The following PSORS1C1 variants were observed in gnomAD, a reference collection of about 807,000 sequenced individuals.
The protein encoded by PSORS1C1 is psoriasis susceptibility 1 candidate gene 1 protein.
A neutral mutation model predicts 9.4 loss-of-function variants in PSORS1C1; 7 were observed. The observed-to-expected ratio is 0.75, with a 90% CI of 0.42 to 1.40. PSORS1C1 has a LOEUF of 1.40. Among genes scored for constraint, PSORS1C1 ranks in the 40% most tolerant of loss-of-function variants. The pLI, the probability that PSORS1C1 is intolerant of heterozygous loss-of-function variation, is 0.01. For synonymous variants in PSORS1C1, 63 were observed against 69.4 expected, an observed-to-expected ratio of 0.91 and a Z score of 0.46; for missense variants, 146 against 178.1, an observed-to-expected ratio of 0.82 and a Z score of 1.02.
At chr6:31,124,967 C>CA (rs9281215) in intron 1 of PSORS1C1, among the ~76,000 whole-genome samples, 132,884 of 149,070 alleles carry the variant, frequency 0.89, 59,316 homozygotes, top group East Asian at 0.98. Flanking sequence ...GACTCCGTCT[C>CA]AAAAAAAAAA....
At position 31,138,446 on chromosome 6, in the gene PSORS1C1, T is replaced by C; in HGVS notation, c.30T>C (p.Ser10=). The C allele has an allele frequency of 6.2e-7, 1 of 1,609,156 alleles. No individual in the cohort carries two copies. Among genetic ancestry groups the C allele is most frequent in the Non-Finnish European group, 8.5e-7 (1 of 1,178,642 alleles). Residue 10 remains serine (S), a synonymous_variant, in exon 4 of 6, where the codon TCT becomes TCC. Transcript: ENST00000259881. ...CACAAACAGACCAAAAAAGTCACTC[T>C]CAAAGAGCTCTCGGTAGGTTTGTAA... is the stretch of plus-strand genomic sequence containing the variant. The part of the protein sequence containing the change: MTCTDQKSH[S]QRALGTQTPA...
chr6:31,116,237 T>C, intron 1 of PSORS1C1: 1 of 1,613,912 alleles, frequency 6.2e-7, no homozygotes, highest in South Asian at 1.1e-5. Flanking sequence ...GAGACAGACA[T>C]GCAAGGGTGA....
chr6:31,117,861 G>A, intron 1 of PSORS1C1: 1 of 358,432 alleles, frequency 2.8e-6, no homozygotes, highest in Non-Finnish European at 5.2e-6. Flanking sequence ...CACTTTGGGA[G>A]GCCGAGGTGG....
intron 3 of PSORS1C1, among the ~76,000 whole-genome samples, chr6:31,137,195 G>A (rs1773182607): frequency 1.3e-5 from 2 of 151,438 alleles, no homozygotes; most frequent in Admixed American, 1.3e-4. Flanking sequence ...TGTGGCTCAC[G>A]CGTGTAATCC....
chr6:31,120,101 A>G (rs1399916181), intron 1 of PSORS1C1, among the ~76,000 whole-genome samples: 1 of 152,124 alleles, frequency 6.6e-6, no homozygotes, highest in African/African-American at 2.4e-5. Context: ...TATCACATAC[A>G]TTATTTAATT....
intron 1 of PSORS1C1, chr6:31,117,166 CTTCCCGAGTGAGAGCCGCTGT>C (rs761631638): frequency 6.5e-5 from 62 of 951,336 alleles, no homozygotes; most frequent in South Asian, 3.7e-4. Context: ...AGAGCTGCTG[CTTCCCGAGTGAGAGCCGCTGT>C]TTCCCGAGTG....
chr6:31,123,955 C>T (rs2150964745), intron 1 of PSORS1C1, among the ~76,000 whole-genome samples: 1 of 152,246 alleles, frequency 6.6e-6, no homozygotes, highest in South Asian at 2.1e-4. Context: ...GAGAGAAGCA[C>T]AGAGCAGGCA....
Position 31,139,082 on chromosome 6 carries a change from CCA to C in PSORS1C1, c.167+304_167+305del. On this transcript the variant is annotated intron_variant, in intron 5 of 5. Coordinates refer to ENST00000259881, the MANE Select transcript of PSORS1C1 (RefSeq NM_014068.3). The surrounding 1 kb of genome is among the most constrained non-coding windows in gnomAD (Gnocchi z 5.2). ...GGCTGAGTCTGGGTGCCTGGGAACC[CCA>C]AGAGGCTTTATAGGGGAGGAGTGGA... The C allele has an allele frequency of 1.3e-6, 2 of 1,511,758 alleles. No homozygotes were observed. Among genetic ancestry groups the C allele is most frequent in the Non-Finnish European group, 1.8e-6 (2 of 1,088,038 alleles). The allele number at this position is 1,511,758 out of a possible 1,614,324, so 93.6% of individuals were successfully genotyped here.
rs143941235 is a variant in PSORS1C1 at position 31,122,973 on chromosome 6, C to T, written c.-228-2703C>T. On this transcript the variant is annotated intron_variant, in intron 1 of 5. Coordinates refer to ENST00000259881, the MANE Select transcript of PSORS1C1 (RefSeq NM_014068.3). ...CCCAGGGTGTGAGGGGAGAAGGCAG[C>T]GGAACAGTGGAATCTGTGGCTTCTT... Among the ~76,000 whole-genome samples, 96 of 152,220 alleles carry T rather than the reference C, an allele frequency of 6.3e-4. No homozygotes were observed. In the East Asian group the frequency reaches 8.1e-3, roughly 13 times the overall value.
At chr6:31,120,472 T>C (rs1342261784) in intron 1 of PSORS1C1, 7 of 1,419,604 alleles carry the variant, frequency 4.9e-6, no homozygotes, top group African/African-American at 2.9e-5. Context: ...CCCGGGTCCT[T>C]TATGCCAGAG....
chr6:31,139,272 G>A lies in PSORS1C1; in HGVS notation c.168-369G>A. The A allele has an allele frequency of 1.7e-6, 1 of 581,678 alleles. No individual in the cohort carries two copies. Among genetic ancestry groups the A allele is most frequent in the Non-Finnish European group, 3.1e-6 (1 of 327,138 alleles). The allele number at this position is 581,678 out of a possible 1,614,324, so 36.0% of individuals were successfully genotyped here. On this transcript the variant is annotated intron_variant, in intron 5 of 5. Transcript: ENST00000259881. This position sits in a 1 kb window ranked among gnomAD's most constrained non-coding sequence, Gnocchi z 5.2. The stretch of plus-strand genomic sequence containing the variant: ...CTCTCCCTATCATGACCCAGAGCCT[G>A]CGTCACCCCACCCTGGTTTTCACAC...
rs1772784673 is a variant in PSORS1C1, at chr6:31,128,701, T to C, written c.-64-868T>C. Among the ~76,000 whole-genome samples, 5 of 152,348 alleles carry C rather than the reference T, an allele frequency of 3.3e-5. No homozygotes were observed. The South Asian group carries it at 1.0e-3, about 32-fold the overall frequency. On this transcript the variant is annotated intron_variant, in intron 2 of 5. Transcript: ENST00000259881. The surrounding 1 kb of genome is among the most constrained non-coding windows in gnomAD (Gnocchi z 4.3). ...AAAGATTAGCAGGAGAAGAAAAATG[T>C]ACAGTAAGAGAGCTTAAGTTTATAC...
intron 3 of PSORS1C1, 106 bp downstream of exon 3, chr6:31,129,751 CAAAG>C: frequency 1.4e-6 from 1 of 724,800 alleles, no homozygotes; most frequent in South Asian, 1.5e-5. Context: ...GGAAGGGATA[CAAAG>C]AAAGACAAGG....
intron 3 of PSORS1C1, among the ~76,000 whole-genome samples, chr6:31,131,052 T>C (rs1772888953): frequency 6.6e-6 from 1 of 151,600 alleles, no homozygotes; most frequent in Admixed American, 6.6e-5. Context: ...CAGGCACAGT[T>C]CTGATAGAGG....
chr6:31,116,879 C>T, intron 1 of PSORS1C1: 1 of 1,614,114 alleles, frequency 6.2e-7, no homozygotes, highest in Non-Finnish European at 8.5e-7. Flanking sequence ...CCCCCTGACA[C>T]AGAGTGGGAG....
At chr6:31,121,356 T>C (rs1208179559) in intron 1 of PSORS1C1, among the ~76,000 whole-genome samples, 3 of 152,242 alleles carry the variant, frequency 2.0e-5, no homozygotes. Flanking sequence ...CCATAGCCCA[T>C]CTGCTGGCCC....
intron 1 of PSORS1C1, among the ~76,000 whole-genome samples, chr6:31,121,058 G>A (rs537810743): frequency 6.6e-6 from 1 of 151,414 alleles, no homozygotes; most frequent in Non-Finnish European, 1.5e-5. Context: ...TACCTATTAC[G>A]TGTTCCATCA....
At chr6:31,127,687 A>T (rs1772740989) in intron 2 of PSORS1C1, among the ~76,000 whole-genome samples, 2 of 151,710 alleles carry the variant, frequency 1.3e-5, no homozygotes, top group East Asian at 3.9e-4. Context: ...GGTGGTGAAC[A>T]CTTGTAATCC....
chr6:31,139,082 C>T lies in PSORS1C1; in HGVS notation c.167+303C>T. ...GGCTGAGTCTGGGTGCCTGGGAACC[C>T]CAAGAGGCTTTATAGGGGAGGAGTG... On this transcript the variant is annotated intron_variant, in intron 5 of 5. Transcript: ENST00000259881. This position sits in a 1 kb window ranked among gnomAD's most constrained non-coding sequence, Gnocchi z 5.2. 6.6e-7 allele frequency: 1 copy of T among 1,511,836 alleles called. No individual in the cohort carries two copies. The highest frequency in any genetic ancestry group is 1.4e-5 in the African/African-American group (1 of 72,890). The allele number at this position is 1,511,836 out of a possible 1,614,324, so 93.7% of individuals were successfully genotyped here. A position where few individuals can be genotyped will look rare whatever the true frequency, so the allele number is the denominator to read the frequency against.
Sources: gnomAD v4.1 joint callset for allele counts (sites outside exome capture counted in the v4.1 genomes callset) on GRCh38, gnomAD v4.1.1 for gene constraint, Gnocchi (gnomAD v3.1) non-coding constraint, MANE v1.5 for transcripts, NCBI Gene and HGNC (gene_info 2026-07-23, HGNC 2026-07-21) for gene names.